Variants in NEDD9 observed in about 807,000 individuals in gnomAD.
NEDD9 encodes the protein neural precursor cell expressed, developmentally down-regulated 9.
In NEDD9, 26 loss-of-function variants were observed where a neutral mutation model predicts 76.6. That is an observed-to-expected ratio of 0.34 (90% CI 0.25 to 0.47). The LOEUF is 0.47. Ranked by LOEUF, NEDD9 falls within the 20% of genes least tolerant of loss-of-function variation. The pLI is 1.00. For synonymous variants in NEDD9, 392 were observed against 414.2 expected (o/e 0.95, Z 0.65); for missense variants, 937 against 1,058.5 (o/e 0.89, Z 1.59).
chr6:11,192,823 C>A (rs1561781364), intron 3 of NEDD9, among the ~76,000 whole-genome samples: 1 of 144,296 alleles, frequency 6.9e-6, no homozygotes, highest in Non-Finnish European at 1.5e-5. Context: ...GTCCCAGCTA[C>A]TTGGGAGGCT....
At chr6:11,236,347 A>G (rs567811323), upstream of NEDD9, among the ~76,000 whole-genome samples, 2 of 152,308 alleles carry the variant, frequency 1.3e-5, no homozygotes, top group South Asian at 4.1e-4. This position sits in a 1 kb window ranked among gnomAD's most constrained non-coding sequence, Gnocchi z 5.5. Context: ...TTGTGCAGGC[A>G]GGAGTGAGGG....
At chr6:11,349,619 A>G (rs1762426555) in intron 1 of NEDD9, among the ~76,000 whole-genome samples, 1 of 152,254 alleles carries the variant, frequency 6.6e-6, no homozygotes, top group Non-Finnish European at 1.5e-5. Context: ...TGTTCTTTGC[A>G]GAAACATGGA....
chr6:11,265,998 A>C (rs772148959), intron 3 of NEDD9, among the ~76,000 whole-genome samples: 3 of 148,516 alleles, frequency 2.0e-5, no homozygotes, highest in African/African-American at 7.3e-5. Context: ...ATGCATGGAC[A>C]TAGAGAGTAG....
chr6:11,367,676 A>G (rs957705270), intron 1 of NEDD9, among the ~76,000 whole-genome samples: 1 of 139,880 alleles, frequency 7.1e-6, no homozygotes, highest in Admixed American at 6.8e-5. Flanking sequence ...CTTCTCTTAC[A>G]AGGAACTTAT....
chr6:11,238,621 A>G (rs183775125), intron 3 of NEDD9, among the ~76,000 whole-genome samples: 2 of 152,160 alleles, frequency 1.3e-5, no homozygotes, highest in African/African-American at 2.4e-5. Context: ...GCTTACCTAC[A>G]TCCTATCGTG....
intron 3 of NEDD9, among the ~76,000 whole-genome samples, chr6:11,288,369 C>A (rs571799872): frequency 9.9e-5 from 15 of 152,196 alleles, no homozygotes; most frequent in Non-Finnish European, 1.9e-4. Flanking sequence ...TTAAATTCGT[C>A]TATACAACTG....
At chr6:11,291,574 A>G (rs1275415075) in intron 3 of NEDD9, among the ~76,000 whole-genome samples, 1 of 152,176 alleles carries the variant, frequency 6.6e-6, no homozygotes, top group Non-Finnish European at 1.5e-5. Flanking sequence ...GCGCCCGGCC[A>G]GAATGAGATT....
At chr6:11,321,061 G>GAC (rs1294326839) in intron 2 of NEDD9, among the ~76,000 whole-genome samples, 2 of 150,372 alleles carry the variant, frequency 1.3e-5, no homozygotes, top group Non-Finnish European at 3.0e-5. Context: ...GAGAGAGAGA[G>GAC]AATGAAGGGA....
At chr6:11,228,552 G>T (rs142917187) in intron 1 of NEDD9, among the ~76,000 whole-genome samples, 3 of 74,488 alleles carry the variant, frequency 4.0e-5, no homozygotes, top group African/African-American at 2.0e-4. Flanking sequence ...AAAGAAAAGT[G>T]GAGAGGAAGG....
chr6:11,190,492 C>G lies in NEDD9; in HGVS notation c.1377G>C (p.Leu459=). 3.1e-6 allele frequency: 5 copies of G among 1,614,190 alleles called. No homozygotes were observed. Among genetic ancestry groups the G allele is most frequent in the Middle Eastern group, 1.7e-4 (1 of 6,058 alleles). The stretch of plus-strand genomic sequence containing the variant: ...CCTTGACAAAGTGGAGGTACTCCTT[C>G]AGGAACAGCTCCACCTTGTCCACTG... ...RTAVDKVELF[L]KEYLHFVKGA... Residue 459 remains leucine (L), a synonymous_variant, in exon 5 of 7, where the codon CTG becomes CTC. Coordinates refer to ENST00000379446, the MANE Select transcript of NEDD9 (RefSeq NM_006403.4). This position sits in a 1 kb window ranked among gnomAD's most constrained non-coding sequence, Gnocchi z 5.8.
In NEDD9 at chr6:11,237,687, A is replaced by G. The variant is rs987247517; in HGVS notation, c.13-23960T>C. ...ATGTAGGGATGTCTTTTGAGCTGTA[A>G]TGGCAGACTCTGAGCACATGCCACA... is the stretch of plus-strand genomic sequence containing the variant. On this transcript the variant is annotated intron_variant, in intron 3 of 3. Coordinates refer to the NEDD9 transcript ENST00000397378. This position sits in a 1 kb window ranked among gnomAD's most constrained non-coding sequence, Gnocchi z 4.9. Among the ~76,000 whole-genome samples the G allele has an allele frequency of 1.3e-4, 20 of 152,328 alleles. No homozygotes were observed. The highest frequency in any genetic ancestry group is 4.8e-4 in the African/African-American group (20 of 41,564).
intron 2 of NEDD9, chr6:11,199,676 T>G: frequency 1.1e-5 from 1 of 90,224 alleles, no homozygotes; most frequent in Admixed American, 1.5e-4. Context: ...TTTTTTTTTT[T>G]TTGAGACAGA....
intron 6 of NEDD9, among the ~76,000 whole-genome samples, chr6:11,186,987 G>A (rs575468237): frequency 6.6e-6 from 1 of 152,280 alleles, no homozygotes; most frequent in Non-Finnish European, 1.5e-5. Context: ...GTTCCCCAAA[G>A]CCCTGCAGTC....
intron 3 of NEDD9, among the ~76,000 whole-genome samples, chr6:11,240,479 G>A (rs957726894): frequency 6.6e-6 from 1 of 152,130 alleles, no homozygotes; most frequent in Non-Finnish European, 1.5e-5. Context: ...GATAAACCAT[G>A]AAATAGAACA....
rs529356165 is a variant in NEDD9 at position 11,258,058 on chromosome 6, C to T, written c.13-44331G>A. 1.1e-4 allele frequency among the ~76,000 whole-genome samples: 17 copies of T among 152,320 alleles called. No individual in the cohort carries two copies. In the South Asian group the frequency reaches 3.5e-3, roughly 32 times the overall value. On this transcript the variant is annotated intron_variant, in intron 3 of 3. Transcript: ENST00000397378. The stretch of plus-strand genomic sequence containing the variant: ...GAAGAAAGAGGACTCTATTCTGTTA[C>T]AGCCATGGAATTGCACTCTTGAAGC...
At chr6:11,376,546 G>T (rs1251029359) in intron 1 of NEDD9, among the ~76,000 whole-genome samples, 1 of 152,176 alleles carries the variant, frequency 6.6e-6, no homozygotes, top group Non-Finnish European at 1.5e-5. Context: ...GATGACCCAG[G>T]CTACCTAGTA....
At position 11,268,424 on chromosome 6, in the gene NEDD9, T is replaced by G. The variant is rs116688840; in HGVS notation, c.12+37568A>C. 7.4e-3 allele frequency among the ~76,000 whole-genome samples: 1,120 copies of G among 152,214 alleles called. 9 individuals are homozygous for G. Among genetic ancestry groups the G allele is most frequent in the Non-Finnish European group, 0.012 (847 of 67,992 alleles). On this transcript the variant is annotated intron_variant, in intron 3 of 3. Transcript: ENST00000397378. ...AGACTGAGTCAAAATTGTTGGCTTT[T>G]AATGATAATAAAGAATTTACCAGCT...
intron 3 of NEDD9, chr6:11,249,002 A>G (rs903675855): frequency 4.8e-6 from 2 of 412,616 alleles, no homozygotes; most frequent in Non-Finnish European, 9.8e-6. Flanking sequence ...CCAGCTATTC[A>G]TATGCCAGTG....
At chr6:11,210,206 G>A (rs528261440) in intron 2 of NEDD9, among the ~76,000 whole-genome samples, 1 of 152,138 alleles carries the variant, frequency 6.6e-6, no homozygotes, top group East Asian at 1.9e-4. Context: ...GCAGATTCCT[G>A]GGCCCCCAAC....
Sources: allele counts gnomAD v4.1 joint callset (sites outside exome capture counted in the v4.1 genomes callset), GRCh38; gene constraint gnomAD v4.1.1; non-coding constraint Gnocchi (gnomAD v3.1); transcripts MANE v1.5; gene names NCBI Gene and HGNC (gene_info 2026-07-23, HGNC 2026-07-21).